The following CHD1L variants were observed in gnomAD, a reference collection of about 807,000 sequenced individuals.
CHD1L encodes the protein ATP-dependent chromatin remodeler CHD1L.
A neutral mutation model predicts 115.9 loss-of-function variants in CHD1L; 118 were observed. The observed-to-expected ratio is 1.02, with a 90% CI of 0.88 to 1.19. CHD1L has a LOEUF of 1.19. Among genes scored for constraint, CHD1L ranks in the 50% most tolerant of loss-of-function variants. The pLI is 0.00. For missense variants in CHD1L, 1,179 were observed against 1,065.3 expected (o/e 1.11, Z -1.49); for synonymous variants, 411 against 387.1 (o/e 1.06, Z -0.72).
the CHD1L span, among the ~76,000 whole-genome samples, chr1:147,198,720 G>A: frequency 9.2e-5 from 14 of 151,892 alleles, no homozygotes; most frequent in Admixed American, 2.6e-4. Context: ...GCATGGTGGC[G>A]GGCGCCTGTA....
intron 19 of CHD1L, among the ~76,000 whole-genome samples, chr1:147,288,990 C>T (rs1684470247): frequency 6.6e-6 from 1 of 152,144 alleles, no homozygotes; most frequent in African/African-American, 2.4e-5. Flanking sequence ...GAAGGGCCCT[C>T]CAGATTCCTT....
chr1:147,228,952 G>T, the CHD1L span, among the ~76,000 whole-genome samples: 13,443 of 150,910 alleles, frequency 0.089, 671 homozygotes, highest in East Asian at 0.16. Flanking sequence ...TCTCCCATTC[G>T]GTAGGTTGCC....
At chr1:147,288,353 G>GAAAA (rs1684219555) in intron 19 of CHD1L, among the ~76,000 whole-genome samples, 17 of 62,642 alleles carry the variant, frequency 2.7e-4, no homozygotes, top group South Asian at 2.0e-3. Context: ...AAAAGAAAAA[G>GAAAA]AGAACTATTG....
chr1:147,259,476 G>A (rs1671204628), intron 5 of CHD1L: 1 of 159,420 alleles, frequency 6.3e-6, no homozygotes, highest in Non-Finnish European at 1.4e-5. Context: ...AGTAAAATGA[G>A]CACAATTGTC....
intron 10 of CHD1L, 49 bp downstream of exon 10, chr1:147,268,927 C>A (rs1559802693): frequency 1.3e-5 from 19 of 1,444,236 alleles, no homozygotes; most frequent in Non-Finnish European, 1.7e-5. Flanking sequence ...ACTGTTAAAA[C>A]CTGACTATTG....
intron 18 of CHD1L, among the ~76,000 whole-genome samples, chr1:147,286,830 C>G (rs1415139492): frequency 6.6e-6 from 1 of 152,168 alleles, no homozygotes; most frequent in Non-Finnish European, 1.5e-5. Context: ...AGCAAAACTT[C>G]AAGCTTGTTC....
At chr1:147,259,237 T>G (rs587739697) in intron 5 of CHD1L, 1 of 152,364 alleles carries the variant, frequency 6.6e-6, no homozygotes, top group East Asian at 1.9e-4. Context: ...AAATGTGCTC[T>G]GGCAACAGCC....
chr1:147,221,981 C>T, the CHD1L span, among the ~76,000 whole-genome samples: 1 of 152,166 alleles, frequency 6.6e-6, no homozygotes, highest in East Asian at 1.9e-4. Context: ...CAATTTTCTA[C>T]CATTGATGAA....
chr1:147,192,600 G>A, the CHD1L span, among the ~76,000 whole-genome samples: 3 of 151,838 alleles, frequency 2.0e-5, no homozygotes, highest in African/African-American at 7.3e-5. Flanking sequence ...AGTTTTCAAA[G>A]GGAATGCTTC....
the CHD1L span, chr1:147,225,161 A>T: frequency 7.2e-6 from 11 of 1,522,620 alleles, no homozygotes; most frequent in Non-Finnish European, 9.6e-6. Flanking sequence ...TCTGTACAAG[A>T]GGTGTCTTGA....
At chr1:147,294,355 AC>A (rs1219855124) in intron 21 of CHD1L, 53 bp from the exon 22 acceptor site, 3 of 1,265,602 alleles carry the variant, frequency 2.4e-6, no homozygotes, top group East Asian at 4.9e-5. Context: ...TGTATTTTAT[AC>A]CCATCAATCA....
the CHD1L span, chr1:147,212,681 G>A: frequency 1.3e-6 from 1 of 752,122 alleles, no homozygotes; most frequent in Non-Finnish European, 2.1e-6. Context: ...GCCTTTCTCA[G>A]TATTTTTGCC....
chr1:147,219,840 C>CTTTT, the CHD1L span, among the ~76,000 whole-genome samples: 8,994 of 132,680 alleles, frequency 0.068, 436 homozygotes, highest in East Asian at 0.14. Flanking sequence ...ATGTTAATTG[C>CTTTT]TTTTTTTTTT....
At chr1:147,223,071 T>C in the CHD1L span, among the ~76,000 whole-genome samples, 1 of 152,226 alleles carries the variant, frequency 6.6e-6, no homozygotes, top group African/African-American at 2.4e-5. Context: ...ACTATTATTA[T>C]CCACTTCTTA....
chr1:147,203,821 G>A, the CHD1L span: 6 of 1,554,682 alleles, frequency 3.9e-6, no homozygotes, highest in Non-Finnish European at 5.3e-6. Flanking sequence ...TGGTAGAAAT[G>A]ATGCCATCTT....
the CHD1L span, chr1:147,210,766 G>A: frequency 6.6e-6 from 1 of 152,080 alleles, no homozygotes; most frequent in African/African-American, 2.4e-5. Flanking sequence ...CTTGATAAGT[G>A]CTTAATGGCT....
At chr1:147,227,556 C>T in the CHD1L span, among the ~76,000 whole-genome samples, 1 of 152,186 alleles carries the variant, frequency 6.6e-6, no homozygotes, top group African/African-American at 2.4e-5. Flanking sequence ...AATGTTCTCT[C>T]TCTTGCCTAG....
intron 6 of CHD1L, among the ~76,000 whole-genome samples, chr1:147,262,101 C>G (rs1162486122): frequency 6.7e-6 from 1 of 149,270 alleles, no homozygotes; most frequent in Non-Finnish European, 1.5e-5. Flanking sequence ...GAGGCTGAGG[C>G]AGGAGAATGG....
chr1:147,199,277 A>T, the CHD1L span, among the ~76,000 whole-genome samples: 283 of 152,318 alleles, frequency 1.9e-3, 6 homozygotes, highest in East Asian at 0.039. Flanking sequence ...TAAAATTGGC[A>T]TAGTGAAGGG....
Sources: allele counts gnomAD v4.1 joint callset (sites outside exome capture counted in the v4.1 genomes callset), GRCh38; gene constraint gnomAD v4.1.1; transcripts MANE v1.5; gene names NCBI Gene and HGNC (gene_info 2026-07-23, HGNC 2026-07-21).